Variants in CORO2B observed in about 807,000 individuals in gnomAD.
The protein encoded by CORO2B is coronin-2B.
CORO2B carries 26 observed loss-of-function variants against 58.8 expected under a neutral mutation model. The ratio of observed to expected loss-of-function variants is 0.44; its 90% CI spans 0.32 to 0.61. The LOEUF is 0.61. Among genes scored for constraint, CORO2B ranks in the 20% least tolerant of loss-of-function variants. CORO2B has a pLI of 0.04. For synonymous variants in CORO2B, 242 were observed against 253.8 expected (o/e 0.95, Z 0.44); for missense variants, 460 against 645.1 (o/e 0.71, Z 3.11).
At chr15:68,590,604 C>G (rs948733019) in intron 1 of CORO2B, among the ~76,000 whole-genome samples, 5 of 152,170 alleles carry the variant, frequency 3.3e-5, no homozygotes, top group Admixed American at 2.6e-4. Context: ...AGAAGGTCCT[C>G]CCCTACCACT....
At chr15:68,607,690 T>C (rs1900159811) in intron 1 of CORO2B, among the ~76,000 whole-genome samples, 1 of 151,968 alleles carries the variant, frequency 6.6e-6, no homozygotes, top group Non-Finnish European at 1.5e-5. Context: ...CAGTGATGCG[T>C]GCTTGTGGTC....
intron 1 of CORO2B, among the ~76,000 whole-genome samples, chr15:68,602,898 C>T (rs1056286695): frequency 2.0e-4 from 31 of 152,178 alleles, no homozygotes; most frequent in Admixed American, 7.2e-4. Context: ...ACACGTGTTT[C>T]CCTGGTTGGG....
rs1216948903 is a variant in CORO2B, at chr15:68,677,268, G to T, written c.217-17872G>T. Reference sequence around the variant, plus strand: ...ACTATATTTGCAGGGTGCACTGCTGGTCATTCCCACTGGGCCTGAGCAGAG... The same window carrying T: ...ACTATATTTGCAGGGTGCACTGCTGTTCATTCCCACTGGGCCTGAGCAGAG... On this transcript the variant is annotated intron_variant, in intron 2 of 11. Coordinates refer to ENST00000261861, the MANE Select transcript of CORO2B (RefSeq NM_006091.5). Among the ~76,000 whole-genome samples the T allele has an allele frequency of 2.6e-5, 4 of 152,136 alleles. No homozygotes were observed. In the East Asian group the frequency reaches 7.7e-4, roughly 29 times the overall value.
intron 1 of CORO2B, among the ~76,000 whole-genome samples, chr15:68,626,265 C>T (rs1292183603): frequency 6.6e-6 from 1 of 152,146 alleles, no homozygotes; most frequent in Non-Finnish European, 1.5e-5. Flanking sequence ...ATCCCCCTCC[C>T]CTCCTGAAGG....
chr15:68,585,615 A>G (rs564938550), intron 1 of CORO2B, among the ~76,000 whole-genome samples: 23 of 152,236 alleles, frequency 1.5e-4, no homozygotes, highest in African/African-American at 5.3e-4. Context: ...GTCCTGGGGC[A>G]TGATCGTACT....
intron 5 of CORO2B, among the ~76,000 whole-genome samples, chr15:68,713,013 T>G (rs1446378127): frequency 2.6e-5 from 4 of 152,122 alleles, no homozygotes; most frequent in Non-Finnish European, 5.9e-5. Context: ...AGCCTGAATA[T>G]GTGCACTGCC....
At chr15:68,528,300 T>C in the CORO2B span, among the ~76,000 whole-genome samples, 1 of 152,180 alleles carries the variant, frequency 6.6e-6, no homozygotes, top group East Asian at 1.9e-4. Context: ...CTTTATCAAG[T>C]TGAGGAAGTT....
chr15:68,633,545 A>ACACACACACT (rs1900925560), intron 1 of CORO2B, among the ~76,000 whole-genome samples: 1 of 150,768 alleles, frequency 6.6e-6, no homozygotes. Context: ...ACACACACAC[A>ACACACACACT]CTCACTCCTT....
chr15:68,631,646 C>T (rs1364110486), intron 1 of CORO2B, among the ~76,000 whole-genome samples: 1 of 152,168 alleles, frequency 6.6e-6, no homozygotes, highest in Admixed American at 6.5e-5. Flanking sequence ...AAGTTAATCT[C>T]AACACGTGTA....
At chr15:68,523,457 A>G in the CORO2B span, among the ~76,000 whole-genome samples, 1 of 152,162 alleles carries the variant, frequency 6.6e-6, no homozygotes, top group Admixed American at 6.5e-5. Context: ...TCAGCCTCCC[A>G]AAGTGCTGGG....
chr15:68,686,120 C>T (rs980736406), intron 2 of CORO2B, among the ~76,000 whole-genome samples: 1 of 147,894 alleles, frequency 6.8e-6, no homozygotes, highest in Non-Finnish European at 1.5e-5. Context: ...TCATTGCAAC[C>T]TTCACCTCCC....
chr15:68,534,538 G>A, the CORO2B span, among the ~76,000 whole-genome samples: 1 of 152,216 alleles, frequency 6.6e-6, no homozygotes, highest in African/African-American at 2.4e-5. Flanking sequence ...ATGGACCAGA[G>A]CACTCCTGTC....
intron 11 of CORO2B, among the ~76,000 whole-genome samples, chr15:68,723,412 G>A (rs772943252): frequency 4.6e-5 from 7 of 151,538 alleles, no homozygotes; most frequent in Non-Finnish European, 7.4e-5. Context: ...GTGAGCCACG[G>A]CGCCCAGCCA....
chr15:68,577,037 AAGAGAGCATTCCT>A (rs1899301551), upstream of CORO2B, among the ~76,000 whole-genome samples: 1 of 152,226 alleles, frequency 6.6e-6, no homozygotes, highest in East Asian at 1.9e-4. Context: ...GCAGAAGAAT[AAGAGAGCATTCCT>A]GGCAGGCAAG....
intron 2 of CORO2B, among the ~76,000 whole-genome samples, chr15:68,693,218 T>A (rs1222903713): frequency 6.6e-6 from 1 of 152,186 alleles, no homozygotes; most frequent in Non-Finnish European, 1.5e-5. Context: ...CATCCTGCCA[T>A]GGCTCTGTTG....
the CORO2B span, among the ~76,000 whole-genome samples, chr15:68,540,438 T>A: frequency 6.6e-6 from 1 of 152,194 alleles, no homozygotes; most frequent in Non-Finnish European, 1.5e-5. Flanking sequence ...GTGGGCTCCT[T>A]TCATTTATTT....
intron 1 of CORO2B, among the ~76,000 whole-genome samples, chr15:68,587,799 AG>A (rs1373877619): frequency 6.6e-6 from 1 of 152,224 alleles, no homozygotes; most frequent in African/African-American, 2.4e-5. Flanking sequence ...CAGGGAAGGA[AG>A]GGAGGTAACT....
At chr15:68,644,216 T>G (rs1335594968) in intron 1 of CORO2B, among the ~76,000 whole-genome samples, 1 of 152,206 alleles carries the variant, frequency 6.6e-6, no homozygotes. Flanking sequence ...CAGCAACGCC[T>G]CATGTAGTGA....
At chr15:68,706,236 G>T (rs941049198) in intron 3 of CORO2B, among the ~76,000 whole-genome samples, 1 of 152,148 alleles carries the variant, frequency 6.6e-6, no homozygotes, top group African/African-American at 2.4e-5. Context: ...GCATTTTTCT[G>T]CCTCCTCACC....
Sources: allele counts gnomAD v4.1 joint callset (sites outside exome capture counted in the v4.1 genomes callset), GRCh38; gene constraint gnomAD v4.1.1; transcripts MANE v1.5; gene names NCBI Gene and HGNC (gene_info 2026-07-23, HGNC 2026-07-21).